Variants in ANKRD46 observed in about 807,000 individuals in gnomAD.
ANKRD46 encodes the protein ankyrin repeat domain 46.
A neutral mutation model predicts 19.8 loss-of-function variants in ANKRD46; 13 were observed. That is an observed-to-expected ratio of 0.66 (90% CI 0.43 to 1.04). The LOEUF (loss-of-function observed/expected upper bound fraction) is 1.04. Ranked by LOEUF, ANKRD46 falls within the 50% of genes least tolerant of loss-of-function variation. The pLI is 0.00. For synonymous variants in ANKRD46, 91 were observed against 106.9 expected, an observed-to-expected ratio of 0.85 and a Z score of 0.92; for missense variants, 185 against 274.8, an observed-to-expected ratio of 0.67 and a Z score of 2.31.
downstream of ANKRD46, among the ~76,000 whole-genome samples, chr8:100,516,029 T>C (rs1333793602): frequency 2.0e-5 from 3 of 152,142 alleles, no homozygotes; most frequent in Non-Finnish European, 4.4e-5. Context: ...TGCGCCACCA[T>C]GCCCAGCTAA....
chr8:100,540,823 T>C (rs969657697), intron 1 of ANKRD46, among the ~76,000 whole-genome samples: 1 of 152,190 alleles, frequency 6.6e-6, no homozygotes. Flanking sequence ...ATCTTTACTA[T>C]GTAATTTTAC....
rs1253360523 is a variant in ANKRD46, at chr8:100,510,684, G to C, written c.637-45C>G. The C allele has an allele frequency of 7.3e-7, 1 of 1,365,964 alleles. No homozygotes were observed. The highest frequency in any genetic ancestry group is 1.0e-6 in the Non-Finnish European group (1 of 998,074). 84.6% of individuals were successfully genotyped at this position (1,365,964 alleles called of 1,614,324 possible). A position where few individuals can be genotyped will look rare whatever the true frequency, so the allele number is the denominator to read the frequency against. ...AGATTAAAAAAAAAAAAAAATCCCA[G>C]TTCTGTTAAGCTGCAGAGATGTGCC... On this transcript the variant is annotated intron_variant, in intron 5 of 5. Coordinates refer to the ANKRD46 transcript ENST00000520552. This position sits in a 1 kb window ranked among gnomAD's most constrained non-coding sequence, Gnocchi z 4.9.
In ANKRD46 at chr8:100,554,738, GA is replaced by G. The variant is rs76067732; in HGVS notation, c.-131+4972del. On this transcript the variant is annotated intron_variant, in intron 1 of 4. Transcript: ENST00000335659. ...AAACCCTGTCTCAAAAAAACACAAGGAAAAAAAAAGTACTTAGCCAGGTGCA... is the reference window on the plus strand; with the variant it reads ...AAACCCTGTCTCAAAAAAACACAAGGAAAAAAAAGTACTTAGCCAGGTGCA... 12 of 147,512 alleles carry G rather than the reference GA, an allele frequency of 8.1e-5. No individual in the cohort carries two copies. In the South Asian group the frequency reaches 8.6e-4, roughly 11 times the overall value. 9.1% of individuals were successfully genotyped at this position (147,512 alleles called of 1,614,324 possible).
chr8:100,549,293 G>A (rs1241093142), intron 1 of ANKRD46, among the ~76,000 whole-genome samples: 2 of 151,744 alleles, frequency 1.3e-5, no homozygotes, highest in African/African-American at 2.4e-5. Context: ...CAAGTTAAAT[G>A]TTCAACACAT....
intron 1 of ANKRD46, among the ~76,000 whole-genome samples, chr8:100,533,815 G>GTACTTAAATCTCTTTA (rs1323650246): frequency 6.6e-6 from 1 of 152,186 alleles, no homozygotes; most frequent in Admixed American, 6.5e-5. Context: ...TTGAATGCTG[G>GTACTTAAATCTCTTTA]TACTTAAATC....
chr8:100,526,266 TA>T (rs971709030), intron 4 of ANKRD46, among the ~76,000 whole-genome samples: 20 of 152,286 alleles, frequency 1.3e-4, no homozygotes, highest in African/African-American at 4.8e-4. Context: ...AAACTAATGC[TA>T]AAAGTATATT....
At chr8:100,513,411 C>T (rs1811579968) in intron 5 of ANKRD46, among the ~76,000 whole-genome samples, 1 of 152,176 alleles carries the variant, frequency 6.6e-6, no homozygotes, top group African/African-American at 2.4e-5. Context: ...ACATGCAGTA[C>T]TTAAATAATA....
chr8:100,510,658 C>CA lies in ANKRD46; in HGVS notation c.637-20dup. The CA allele has an allele frequency of 1.3e-6, 2 of 1,482,508 alleles. No individual in the cohort carries two copies. The highest frequency in any genetic ancestry group is 2.3e-5 in the Admixed American group (1 of 43,306). The allele number at this position is 1,482,508 out of a possible 1,614,324, so 91.8% of individuals were successfully genotyped here. ...TCCTTCTCTGTAAATGTGGGGAAGACAGATTAAAAAAAAAAAAAAATCCCA... is the reference window on the plus strand; with the variant it reads ...TCCTTCTCTGTAAATGTGGGGAAGACAAGATTAAAAAAAAAAAAAAATCCCA... On this transcript the variant is annotated intron_variant, in intron 5 of 5. Coordinates refer to the ANKRD46 transcript ENST00000520552. This position sits in a 1 kb window ranked among gnomAD's most constrained non-coding sequence, Gnocchi z 4.9.
rs1811730642 is a variant in ANKRD46 at position 100,521,879 on chromosome 8, GAT to G, written c.*674_*675del. The G allele has an allele frequency of 1.0e-6, 1 of 984,692 alleles. No homozygotes were observed. The highest frequency in any genetic ancestry group is 6.2e-5 in the Admixed American group (1 of 16,260). The allele number at this position is 984,692 out of a possible 1,614,324, so 61.0% of individuals were successfully genotyped here. On this transcript the variant is annotated 3_prime_UTR_variant, in exon 5 of 5. Coordinates refer to ENST00000335659, the MANE Select transcript of ANKRD46 (RefSeq NM_001270377.2). ...AAAATGAACTCATTTATTTTTCACAGATATTAACAAGCAAAGCAGTTTACAAA... is the reference window on the plus strand; with the variant it reads ...AAAATGAACTCATTTATTTTTCACAGATTAACAAGCAAAGCAGTTTACAAA...
intron 1 of ANKRD46, chr8:100,551,067 GC>G: frequency 2.0e-6 from 1 of 511,086 alleles, no homozygotes; most frequent in Non-Finnish European, 3.8e-6. Flanking sequence ...GGATGGCCTT[GC>G]CCACAGCCTT....
At chr8:100,515,664 G>A (rs375869624) in intron 5 of ANKRD46, among the ~76,000 whole-genome samples, 2 of 151,502 alleles carry the variant, frequency 1.3e-5, no homozygotes, top group African/African-American at 4.9e-5. Flanking sequence ...GCGGGGGAGG[G>A]GGGGGGCGGT....
intron 2 of ANKRD46, among the ~76,000 whole-genome samples, chr8:100,530,445 G>A (rs993334577): frequency 7.3e-5 from 11 of 151,432 alleles, no homozygotes; most frequent in Admixed American, 2.6e-4. Flanking sequence ...GTGCAGTGGC[G>A]CGGTCTTGGC....
In ANKRD46 at chr8:100,545,588, G is replaced by T. The variant is rs1290517736; in HGVS notation, c.-130-12277C>A. On this transcript the variant is annotated intron_variant, in intron 1 of 4. Transcript: ENST00000335659. The surrounding 1 kb of genome is among the most constrained non-coding windows in gnomAD (Gnocchi z 4.7). Reference sequence around the variant, plus strand: ...TCAAGTAGTAACTTTATAGCAGTGTGAAAACAGACTAATACAGAGAATTAG... The same window carrying T: ...TCAAGTAGTAACTTTATAGCAGTGTTAAAACAGACTAATACAGAGAATTAG... 2.0e-5 allele frequency among the ~76,000 whole-genome samples: 3 copies of T among 152,150 alleles called. No individual in the cohort carries two copies. The highest frequency in any genetic ancestry group is 7.2e-5 in the African/African-American group (3 of 41,428).
In ANKRD46 at chr8:100,529,386, T is replaced by G; in HGVS notation, c.311+137A>C. The G allele has an allele frequency of 1.1e-6, 1 of 936,260 alleles. No individual in the cohort carries two copies. The highest frequency in any genetic ancestry group is 1.6e-6 in the Non-Finnish European group (1 of 643,734). The allele number at this position is 936,260 out of a possible 1,614,324, so 58.0% of individuals were successfully genotyped here. On this transcript the variant is annotated intron_variant, in intron 3 of 4. Transcript: ENST00000335659. This position sits in a 1 kb window ranked among gnomAD's most constrained non-coding sequence, Gnocchi z 5.8. ...CATTCCCTCACTTGCCTAACAGGAT[T>G]ACACTGTCTTCAATGCTTTCTGAAC...
At chr8:100,538,135 T>C (rs191275410) in intron 1 of ANKRD46, among the ~76,000 whole-genome samples, 16 of 152,328 alleles carry the variant, frequency 1.1e-4, no homozygotes, top group Non-Finnish European at 2.1e-4. Context: ...AATTCTTTCC[T>C]GAATGTACAC....
intron 4 of ANKRD46, among the ~76,000 whole-genome samples, chr8:100,523,139 G>T (rs966136059): frequency 2.4e-4 from 35 of 145,458 alleles, no homozygotes; most frequent in African/African-American, 7.5e-4. Context: ...ACCAGCCTGG[G>T]TAACATAGCG....
intron 1 of ANKRD46, among the ~76,000 whole-genome samples, chr8:100,533,913 G>A (rs1001982817): frequency 2.0e-5 from 3 of 152,160 alleles, no homozygotes; most frequent in Non-Finnish European, 2.9e-5. Context: ...ATAGCCTGAC[G>A]CTGCTCCCCC....
rs1811798743 is a variant in ANKRD46 at position 100,524,447 on chromosome 8, C to G, written c.471-1676G>C. 6.6e-6 allele frequency among the ~76,000 whole-genome samples: 1 copy of G among 151,972 alleles called. No homozygotes were observed. Among genetic ancestry groups the G allele is most frequent in the Admixed American group, 6.6e-5 (1 of 15,264 alleles). ...TTCAGCCTTTACCAACATTAGAGGTCTTCTCTGATCATGGGAAACTGACTT... is the reference window on the plus strand; with the variant it reads ...TTCAGCCTTTACCAACATTAGAGGTGTTCTCTGATCATGGGAAACTGACTT... On this transcript the variant is annotated intron_variant, in intron 4 of 4. Coordinates refer to ENST00000335659, the MANE Select transcript of ANKRD46 (RefSeq NM_001270377.2). The surrounding 1 kb of genome is among the most constrained non-coding windows in gnomAD (Gnocchi z 4.3).
Position 100,546,989 on chromosome 8 carries a change from A to G in ANKRD46, c.-131+12722T>C, listed in dbSNP as rs1404957352. ...TACCCAATGCCTGTGCCCTCATTGT[A>G]TCTTGGAAGTAACTAACTTGCTTTT... On this transcript the variant is annotated intron_variant, in intron 1 of 4. Transcript: ENST00000335659. The surrounding 1 kb of genome is among the most constrained non-coding windows in gnomAD (Gnocchi z 4.0). Among the ~76,000 whole-genome samples the G allele has an allele frequency of 8.5e-5, 13 of 152,170 alleles. No individual in the cohort carries two copies. The highest frequency in any genetic ancestry group is 1.0e-4 in the Non-Finnish European group (7 of 68,034).
Sources: gnomAD v4.1 joint callset for allele counts (sites outside exome capture counted in the v4.1 genomes callset) on GRCh38, gnomAD v4.1.1 for gene constraint, Gnocchi (gnomAD v3.1) non-coding constraint, MANE v1.5 for transcripts, NCBI Gene and HGNC (gene_info 2026-07-23, HGNC 2026-07-21) for gene names.